The following CCDC154 variants were observed in gnomAD, a reference collection of about 807,000 sequenced individuals.
CCDC154 encodes the protein coiled-coil domain-containing protein 154.
In CCDC154, 91 loss-of-function variants were observed where a neutral mutation model predicts 87.5. The ratio of observed to expected loss-of-function variants is 1.04; its 90% CI spans 0.88 to 1.24. The LOEUF is 1.24. Among genes scored for constraint, CCDC154 ranks in the 50% most tolerant of loss-of-function variants. The pLI, the probability that CCDC154 is intolerant of heterozygous loss-of-function variation, is 0.00. For missense variants in CCDC154, 903 were observed against 879.2 expected, an observed-to-expected ratio of 1.03 and a Z score of -0.34; for synonymous variants, 418 against 400.4, an observed-to-expected ratio of 1.04 and a Z score of -0.52.
chr16:1,436,957 T>G, intron 11 of CCDC154, 146 bp from the exon 12 acceptor site: 1 of 1,172,082 alleles, frequency 8.5e-7, no homozygotes, highest in Non-Finnish European at 1.2e-6. Context: ...TGCAGGCGGC[T>G]GGGATGGCCT....
chr16:1,438,883 C>G lies in CCDC154; in HGVS notation c.838G>C (p.Glu280Gln). The change falls in exon 8 of 17, where the codon GAG becomes CAG. Residue 280 changes from glutamate (E) to glutamine (Q), a missense_variant. Glu to Gln is a conservative substitution (Grantham distance 29). Coordinates refer to ENST00000389176, the MANE Select transcript of CCDC154 (RefSeq NM_001143980.3). ...CCCCGAAGCTTCTCCCACCGGCTCT[C>G]CAGCTCGCCCCGCAGGCTGCCCTCC... ...KLEGSLRGEL[E>Q]SRWEKLRGLM... 1 of 1,549,560 alleles carries G rather than the reference C, an allele frequency of 6.5e-7. No individual in the cohort carries two copies. The highest frequency in any genetic ancestry group is 8.7e-7 in the Non-Finnish European group (1 of 1,146,728).
Position 1,438,727 on chromosome 16 carries a change from A to T in CCDC154, c.917T>A (p.Leu306His), listed in dbSNP as rs1206131743. 6.5e-7 allele frequency: 1 copy of T among 1,549,652 alleles called. No homozygotes were observed. The highest frequency in any genetic ancestry group is 1.4e-5 in the African/African-American group (1 of 73,142). ...ATCCAGGCCCTGGCACTGCTCCAGG[A>T]GGTGGCTCTCCTGCCAGGGGGTGGA... ...ALQGQHEESH[L>H]LEQCQGLDAA... Residue 306 changes from leucine (L) to histidine (H), a missense_variant, in exon 9 of 17, where the codon CTC (leucine) becomes CAC (histidine). Leu to His is a moderately conservative substitution (Grantham distance 99, BLOSUM62 -3). Coordinates refer to ENST00000389176, the MANE Select transcript of CCDC154 (RefSeq NM_001143980.3).
chr16:1,443,343 G>A (rs964962547), intron 3 of CCDC154, 42 bp from the exon 4 acceptor site: 36 of 1,534,334 alleles, frequency 2.3e-5, no homozygotes, highest in Admixed American at 4.3e-5. Flanking sequence ...ACCTAGGCCC[G>A]GGTCTGGCAC....
rs112232284 is a variant in CCDC154, at chr16:1,443,487, G to T, written c.414+19C>A. The T allele has an allele frequency of 4.2e-5, 61 of 1,450,236 alleles. No homozygotes were observed. Among genetic ancestry groups the T allele is most frequent in the Admixed American group, 1.1e-4 (4 of 36,592 alleles). The allele number at this position is 1,450,236 out of a possible 1,614,324, so 89.8% of individuals were successfully genotyped here. A position where few individuals can be genotyped will look rare whatever the true frequency, so the allele number is the denominator to read the frequency against. The stretch of plus-strand genomic sequence containing the variant: ...CCAGGAAAGGGGCAGCTCGACCTGT[G>T]GGTGGGGGAGCCGCTCACCTCCGGC... On this transcript the variant is annotated intron_variant, in intron 3 of 16. Coordinates refer to ENST00000389176, the MANE Select transcript of CCDC154 (RefSeq NM_001143980.3).
At chr16:1,442,784 G>A (rs1411828474) in intron 5 of CCDC154, 96 bp downstream of exon 5, 5 of 1,279,432 alleles carry the variant, frequency 3.9e-6, no homozygotes, top group African/African-American at 1.5e-5. Flanking sequence ...GGTTACTGGG[G>A]ACACACGGCA....
In CCDC154 at chr16:1,442,896, G is replaced by T. The variant is rs567595349; in HGVS notation, c.535C>A (p.Gln179Lys). 6.5e-7 allele frequency: 1 copy of T among 1,549,322 alleles called. No homozygotes were observed. The highest frequency in any genetic ancestry group is 2.0e-5 in the Admixed American group (1 of 50,996). Residue 179 changes from glutamine to lysine, a missense_variant, in exon 5 of 17, where the codon CAA becomes AAA. By Grantham distance (53) the Gln-to-Lys change is moderately conservative (BLOSUM62 1). Transcript: ENST00000389176. ...QQEAERRGAE[Q>K]EAGLRLAKLT... is the part of the protein sequence containing the mutation. Reference sequence around the variant, plus strand: ...GGCGCCCACCTGAGGCCGGCCTCTTGCTCGGCGCCCCTTCTCTCCGCCTCC... The same window carrying T: ...GGCGCCCACCTGAGGCCGGCCTCTTTCTCGGCGCCCCTTCTCTCCGCCTCC...
At chr16:1,440,421 G>T (rs1007455908) in intron 6 of CCDC154, among the ~76,000 whole-genome samples, 1 of 150,862 alleles carries the variant, frequency 6.6e-6, no homozygotes. Context: ...CTGCACTCCA[G>T]CCTGGGCAAC....
chr16:1,436,539 A>T lies in CCDC154; in HGVS notation c.1411-18T>A. ...CTCTCTATCTGAACACAGAGCCGGG[A>T]GCGGCGGGCAGCCCCAGGGCGCCAT... On this transcript the variant is annotated intron_variant, in intron 12 of 16. Transcript: ENST00000389176. The T allele has an allele frequency of 6.5e-7, 1 of 1,547,874 alleles. No homozygotes were observed.
intron 6 of CCDC154, among the ~76,000 whole-genome samples, chr16:1,441,596 T>G (rs1435357633): frequency 1.3e-5 from 2 of 152,122 alleles, no homozygotes; most frequent in African/African-American, 2.4e-5. Flanking sequence ...GAAGGTGAAC[T>G]CCGCTTTGTG....
rs958779385 is a variant in CCDC154, at chr16:1,435,374, G to A, written c.1606-199C>T. The A allele has an allele frequency of 8.2e-6, 5 of 609,946 alleles. No individual in the cohort carries two copies. The Admixed American group carries it at 1.4e-4, about 17-fold the overall frequency. 37.8% of individuals were successfully genotyped at this position (609,946 alleles called of 1,614,324 possible). On this transcript the variant is annotated intron_variant, in intron 14 of 16. Coordinates refer to ENST00000389176, the MANE Select transcript of CCDC154 (RefSeq NM_001143980.3). The stretch of plus-strand genomic sequence containing the variant: ...GGCAGCCTGAGAGTGGCCCTGCGGG[G>A]ACCTGGCCAGGGCTCAGGGTTGTTC...
chr16:1,438,223 T>C (rs4984843), intron 9 of CCDC154, 47 bp from the exon 10 acceptor site: 689,783 of 1,466,942 alleles, frequency 0.47, 167,261 homozygotes, highest in African/African-American at 0.73. Context: ...CCTGCCCACC[T>C]CTCAGCCCTG....
At position 1,443,784 on chromosome 16, in the gene CCDC154, T is replaced by C. The variant is rs1372260056; in HGVS notation, c.224+12A>G. On this transcript the variant is annotated intron_variant, in intron 2 of 16. Coordinates refer to ENST00000389176, the MANE Select transcript of CCDC154 (RefSeq NM_001143980.3). ...GTGGTCCTCCCCCGCCAGCACCCCC[T>C]GCAGGGCTCACCACTGCTCCAGCTG... 3 of 1,305,004 alleles carry C rather than the reference T, an allele frequency of 2.3e-6. No individual in the cohort carries two copies. The highest frequency in any genetic ancestry group is 2.3e-5 in the Admixed American group (1 of 43,586). 80.8% of individuals were successfully genotyped at this position (1,305,004 alleles called of 1,614,324 possible).
rs35755175 is a variant in CCDC154 at position 1,440,145 on chromosome 16, GAA to G, written c.676-1021_676-1020del. Among the ~76,000 whole-genome samples the G allele has an allele frequency of 8.8e-3, 902 of 102,298 alleles. 5 individuals carry two copies. Among genetic ancestry groups the G allele is most frequent in the African/African-American group, 0.021 (501 of 23,436 alleles). The allele number at this position is 102,298 out of a possible 152,430, so 67.1% of individuals were successfully genotyped here. A position where few individuals can be genotyped will look rare whatever the true frequency, so the allele number is the denominator to read the frequency against. ...CCTGGGCGACAGAGCGAGACTGTCA[GAA>G]AAAAAAAAAAAAAAAAAAATGGCCG... On this transcript the variant is annotated intron_variant, in intron 6 of 16. Coordinates refer to ENST00000389176, the MANE Select transcript of CCDC154 (RefSeq NM_001143980.3).
At chr16:1,434,927 C>T (rs1349064535) in intron 15 of CCDC154, 75 bp from the exon 16 acceptor site, 20 of 1,441,652 alleles carry the variant, frequency 1.4e-5, no homozygotes, top group Non-Finnish European at 1.7e-5. Context: ...GGCTTATCTC[C>T]CACCGGGAGC....
rs1181170316 is a variant in CCDC154 at position 1,442,963 on chromosome 16, G to A, written c.468C>T (p.Val156=). The A allele has an allele frequency of 6.5e-7, 1 of 1,550,036 alleles. No individual in the cohort carries two copies. The highest frequency in any genetic ancestry group is 1.2e-5 in the South Asian group (1 of 84,064). The change falls in exon 5 of 17, where the codon GTC becomes GTT. Residue 156 remains valine (V), a synonymous_variant. Coordinates refer to ENST00000389176, the MANE Select transcript of CCDC154 (RefSeq NM_001143980.3). Reference sequence around the variant, plus strand: ...TCCTGAGCCGGGTCAAGGCTTCCCGGACCTCCACCAGCCTGGGACACAACA... The same window carrying A: ...TCCTGAGCCGGGTCAAGGCTTCCCGAACCTCCACCAGCCTGGGACACAACA... ...MQALDKRLVE[V]REALTRLRRR...
chr16:1,438,363 C>A (rs1596203724), intron 9 of CCDC154, 187 bp from the exon 10 acceptor site: 10 of 814,144 alleles, frequency 1.2e-5, no homozygotes, highest in Non-Finnish European at 1.9e-5. Context: ...GGCGTTCACT[C>A]CCCACGGCCA....
Position 1,442,994 on chromosome 16 carries a change from T to C in CCDC154, c.456-19A>G, listed in dbSNP as rs1234469452. ...CACCAGCCTGGGACACAACAAGCCA[T>C]TCCCGAGAGGCCCAGGCGGGCTGAG... On this transcript the variant is annotated intron_variant, in intron 4 of 16. Transcript: ENST00000389176. 6.5e-7 allele frequency: 1 copy of C among 1,548,678 alleles called. No individual in the cohort carries two copies. Among genetic ancestry groups the C allele is most frequent in the Non-Finnish European group, 8.7e-7 (1 of 1,145,974 alleles).
chr16:1,439,290 G>A (rs763880234), intron 6 of CCDC154, 164 bp from the exon 7 acceptor site: 119 of 641,296 alleles, frequency 1.9e-4, no homozygotes, highest in Non-Finnish European at 2.8e-4. Context: ...AAGCCACGGC[G>A]GGCAGGACCA....
chr16:1,434,675 C>A lies in CCDC154; in HGVS notation c.1870G>T (p.Ala624Ser), dbSNP rs763979150. ...VPMNCWGVYQ[A>S]VRWLRWKASL... The stretch of plus-strand genomic sequence containing the variant: ...GGGATCCCTGCTGCCCACCTCACAG[C>A]CTGGTACACGCCCCAGCAGTTCATG... Residue 624 changes from alanine to serine, a missense_variant, in exon 16 of 17, where the codon GCT becomes TCT. Physicochemically the swap from Ala to Ser is moderately conservative, Grantham distance 99. Coordinates refer to ENST00000389176, the MANE Select transcript of CCDC154 (RefSeq NM_001143980.3). 2.6e-6 allele frequency: 4 copies of A among 1,546,162 alleles called. No individual in the cohort carries two copies. The African/African-American group carries it at 4.1e-5, about 16-fold the overall frequency.
Sources: allele counts gnomAD v4.1 joint callset (sites outside exome capture counted in the v4.1 genomes callset), GRCh38; gene constraint gnomAD v4.1.1; transcripts MANE v1.5; gene names NCBI Gene and HGNC (gene_info 2026-07-23, HGNC 2026-07-21).